Variants in GMEB1 observed in about 807,000 individuals in gnomAD.
The protein encoded by GMEB1 is glucocorticoid modulatory element-binding protein 1.
A neutral mutation model predicts 52.4 loss-of-function variants in GMEB1; 6 were observed. The ratio of observed to expected loss-of-function variants is 0.11; its 90% CI spans 0.06 to 0.23. GMEB1 has a LOEUF of 0.23. GMEB1 is among the 10% of genes least tolerant of loss of function. GMEB1 has a pLI of 1.00. For missense variants in GMEB1, 486 were observed against 685.6 expected (o/e 0.71, Z 3.25); for synonymous variants, 255 against 244.9 (o/e 1.04, Z -0.38).
At chr1:28,684,737 TG>T (rs1481129695) in intron 2 of GMEB1, among the ~76,000 whole-genome samples, 1 of 151,448 alleles carries the variant, frequency 6.6e-6, no homozygotes, top group African/African-American at 2.4e-5. Flanking sequence ...TGGGGCCTGT[TG>T]GGGGGTGAGG....
At chr1:28,682,929 C>T (rs1205349198) in intron 1 of GMEB1, among the ~76,000 whole-genome samples, 1 of 152,134 alleles carries the variant, frequency 6.6e-6, no homozygotes, top group Admixed American at 6.6e-5. Context: ...TGTTTACGCC[C>T]AGCATCGCTG....
chr1:28,681,923 C>T (rs1156670763), intron 1 of GMEB1, among the ~76,000 whole-genome samples: 5 of 152,042 alleles, frequency 3.3e-5, no homozygotes, highest in South Asian at 2.1e-4. Context: ...AGGCTGGTCT[C>T]GAACTCCCAA....
At chr1:28,694,693 G>A (rs1162721493) in intron 5 of GMEB1, among the ~76,000 whole-genome samples, 1 of 150,856 alleles carries the variant, frequency 6.6e-6, no homozygotes, top group Non-Finnish European at 1.5e-5. Context: ...TTTTGAGTTG[G>A]GATCTTGCTG....
In GMEB1 at chr1:28,702,541, T is replaced by C; in HGVS notation, c.702T>C (p.Gly234=). The C allele has an allele frequency of 6.2e-7, 1 of 1,613,552 alleles. No homozygotes were observed. The highest frequency in any genetic ancestry group is 1.1e-5 in the South Asian group (1 of 91,072). Residue 234 remains glycine, a synonymous_variant, in exon 7 of 10, where the codon GGT becomes GGC. Transcript: ENST00000373816. The part of the protein sequence containing the change: ...TAAVTMATEE[G]VKKDSEEISE... ...CTGTCACCATGGCCACGGAGGAGGG[T>C]GTAAAGAAAGACTCAGAGGAAATTT...
intron 8 of GMEB1, among the ~76,000 whole-genome samples, chr1:28,708,947 C>G (rs1025839290): frequency 2.6e-5 from 4 of 151,926 alleles, no homozygotes; most frequent in Non-Finnish European, 5.9e-5. Context: ...CTGGCTAACA[C>G]GGTGAAACCC....
At position 28,678,517 on chromosome 1, in the gene GMEB1, G is replaced by C. The variant is rs549600407; in HGVS notation, c.-30-5066G>C. 3.7e-3 allele frequency among the ~76,000 whole-genome samples: 560 copies of C among 152,224 alleles called. 7 individuals carry two copies. Among genetic ancestry groups the C allele is most frequent in the African/African-American group, 0.013 (536 of 41,566 alleles). ...GTAGAGATGGGGTTTTACCATGTTA[G>C]CCAGGATGGTCTTGATCTCCTGAGC... On this transcript the variant is annotated intron_variant, in intron 1 of 9. Transcript: ENST00000373816.
chr1:28,707,378 G>A (rs1670834904), intron 8 of GMEB1, among the ~76,000 whole-genome samples: 1 of 152,072 alleles, frequency 6.6e-6, no homozygotes, highest in Non-Finnish European at 1.5e-5. Context: ...TATGGGGAAA[G>A]AGTAGAAACA....
Position 28,716,557 on chromosome 1 carries a change from G to A in GMEB1, c.*1784G>A, listed in dbSNP as rs1438279002. 1 of 152,108 alleles carries A rather than the reference G, an allele frequency of 6.6e-6. No homozygotes were observed. The highest frequency in any genetic ancestry group is 1.5e-5 in the Non-Finnish European group (1 of 68,034). 9.4% of individuals were successfully genotyped at this position (152,108 alleles called of 1,614,324 possible). A position where few individuals can be genotyped will look rare whatever the true frequency, so the allele number is the denominator to read the frequency against. ...CCCTTTTAGATTCATTTATACCACA[G>A]ATGTTTCTGTGAGATACTGAGATCA... is the stretch of plus-strand genomic sequence containing the variant. On this transcript the variant is annotated 3_prime_UTR_variant, in exon 10 of 10. Coordinates refer to ENST00000373816, the MANE Select transcript of GMEB1 (RefSeq NM_001319674.2).
At chr1:28,676,438 A>G (rs1165171218) in intron 1 of GMEB1, among the ~76,000 whole-genome samples, 1 of 152,196 alleles carries the variant, frequency 6.6e-6, no homozygotes, top group African/African-American at 2.4e-5. Context: ...AAAATATTGT[A>G]TAAAATTGGC....
intron 3 of GMEB1, among the ~76,000 whole-genome samples, chr1:28,690,497 T>C (rs1246232301): frequency 6.6e-6 from 1 of 152,060 alleles, no homozygotes; most frequent in Non-Finnish European, 1.5e-5. Context: ...AATAAGTTGT[T>C]GATGATGACT....
intron 4 of GMEB1, among the ~76,000 whole-genome samples, chr1:28,692,016 CT>C (rs1263190636): frequency 1.2e-3 from 156 of 133,888 alleles, no homozygotes; most frequent in Non-Finnish European, 1.2e-3. Context: ...CCTTGGCTTT[CT>C]TTTTTTTTTT....
intron 1 of GMEB1, among the ~76,000 whole-genome samples, chr1:28,674,668 T>TA (rs1188259527): frequency 6.6e-6 from 1 of 151,256 alleles, no homozygotes; most frequent in Non-Finnish European, 1.5e-5. Context: ...GTGCTGGGAT[T>TA]ACAGGTGTGG....
chr1:28,687,500 G>T (rs1239731364), intron 2 of GMEB1, among the ~76,000 whole-genome samples: 1 of 151,978 alleles, frequency 6.6e-6, no homozygotes, highest in African/African-American at 2.4e-5. Flanking sequence ...GCCGGGGCCT[G>T]GATTTTAAGG....
At chr1:28,695,224 C>T (rs1670145313) in intron 5 of GMEB1, among the ~76,000 whole-genome samples, 1 of 151,996 alleles carries the variant, frequency 6.6e-6, no homozygotes, top group Non-Finnish European at 1.5e-5. Flanking sequence ...ACCTCACCTC[C>T]CAAAGTGCTG....
chr1:28,669,077 C>G (rs1668752007), intron 1 of GMEB1, among the ~76,000 whole-genome samples: 1 of 146,310 alleles, frequency 6.8e-6, no homozygotes, highest in East Asian at 2.0e-4. Context: ...CCCGAGCCGC[C>G]GGGCCGCCCC....
intron 9 of GMEB1, among the ~76,000 whole-genome samples, chr1:28,713,116 C>T (rs1479918233): frequency 6.6e-6 from 1 of 150,648 alleles, no homozygotes; most frequent in African/African-American, 2.4e-5. Flanking sequence ...CGAGATCGCA[C>T]CACTGCACTC....
intron 5 of GMEB1, among the ~76,000 whole-genome samples, chr1:28,695,974 A>T (rs374816057): frequency 0.074 from 8,704 of 117,608 alleles, 668 homozygotes; most frequent in Non-Finnish European, 0.098. Flanking sequence ...AAAAAAAAAA[A>T]TTTTCAGATG....
intron 2 of GMEB1, among the ~76,000 whole-genome samples, chr1:28,684,311 C>T (rs1669529643): frequency 6.6e-6 from 1 of 152,032 alleles, no homozygotes; most frequent in Non-Finnish European, 1.5e-5. Flanking sequence ...CGCCTGTAAT[C>T]CCAGCACTTT....
chr1:28,705,126 C>T (rs904119922), intron 8 of GMEB1, among the ~76,000 whole-genome samples: 2 of 149,544 alleles, frequency 1.3e-5, no homozygotes, highest in East Asian at 2.0e-4. Context: ...CGGTAGCTCA[C>T]GCCTGTAATC....
Sources: allele counts gnomAD v4.1 joint callset (sites outside exome capture counted in the v4.1 genomes callset), GRCh38; gene constraint gnomAD v4.1.1; transcripts MANE v1.5; gene names NCBI Gene and HGNC (gene_info 2026-07-23, HGNC 2026-07-21).